SLC47A2: variants seen among roughly 807,000 people sequenced by gnomAD.
SLC47A2 encodes the protein multidrug and toxin extrusion protein 2.
A neutral mutation model predicts 67.7 loss-of-function variants in SLC47A2; 52 were observed. The ratio of observed to expected loss-of-function variants is 0.77; its 90% CI spans 0.61 to 0.97. The LOEUF is 0.97. Ranked by LOEUF, SLC47A2 falls within the 50% of genes least tolerant of loss-of-function variation. The pLI is 0.00. For missense variants in SLC47A2, 676 were observed against 712.3 expected (o/e 0.95, Z 0.58); for synonymous variants, 278 against 292.9 (o/e 0.95, Z 0.52).
chr17:19,708,598 C>T, intron 6 of SLC47A2, 118 bp downstream of exon 6: 1 of 1,592,774 alleles, frequency 6.3e-7, no homozygotes, highest in Non-Finnish European at 8.6e-7. Flanking sequence ...TGGAAGTGAC[C>T]CCTTTCAAGA....
At chr17:19,695,514 G>GAAAAAAAAAAAAAAAAAAAA (rs1491229920) in intron 13 of SLC47A2, among the ~76,000 whole-genome samples, 1 of 55,544 alleles carries the variant, frequency 1.8e-5, no homozygotes, top group Non-Finnish European at 3.5e-5. Flanking sequence ...AAAAAAAACA[G>GAAAAAAAAAAAAAAAAAAAA]CAAAAAAAAA....
intron 3 of SLC47A2, 150 bp from the exon 4 acceptor site, chr17:19,714,123 G>A (rs945560564): frequency 9.5e-6 from 10 of 1,057,284 alleles, no homozygotes; most frequent in Admixed American, 8.5e-5. Flanking sequence ...AGCCTGTAAT[G>A]GCACAGCGGC....
At chr17:19,681,312 C>T (rs1481816918) in intron 15 of SLC47A2, 55 bp downstream of exon 15, 39 of 1,455,304 alleles carry the variant, frequency 2.7e-5, no homozygotes, top group Middle Eastern at 2.1e-4. Flanking sequence ...AGTCACTCCA[C>T]CTGCTGGGGT....
Position 19,678,729 on chromosome 17 carries a change from AGT to A in SLC47A2, c.1656_1657del (p.Leu553AspfsTer45). 1 of 1,613,676 alleles carries A rather than the reference AGT, an allele frequency of 6.2e-7. No individual in the cohort carries two copies. Among genetic ancestry groups the A allele is most frequent in the South Asian group, 1.1e-5 (1 of 91,058 alleles). On this transcript the variant is annotated frameshift_variant, in exon 17 of 17. Coordinates refer to ENST00000433844, the MANE Select transcript of SLC47A2 (RefSeq NM_001099646.3). LOFTEE classifies it low-confidence loss of function (END_TRUNC). The stretch of plus-strand genomic sequence containing the variant: ...GATCCTGACCGTGAGCCCCACCATC[AGT>A]GTGGCTGACGCCGCCCCCAGAGCAG...
intron 15 of SLC47A2, 32 bp downstream of exon 15, chr17:19,681,335 G>A (rs1469356621): frequency 4.5e-6 from 7 of 1,549,702 alleles, no homozygotes; most frequent in African/African-American, 1.4e-5. Flanking sequence ...GGTGCAGGGT[G>A]TCTTGTGGCC....
chr17:19,687,990 T>G (rs2085462367), intron 13 of SLC47A2, among the ~76,000 whole-genome samples: 1 of 152,124 alleles, frequency 6.6e-6, no homozygotes, highest in Admixed American at 6.5e-5. Context: ...CTATTAAATC[T>G]GTTCAAAAAA....
chr17:19,701,694 A>C (rs1416177217), intron 13 of SLC47A2, among the ~76,000 whole-genome samples: 1 of 152,204 alleles, frequency 6.6e-6, no homozygotes, highest in African/African-American at 2.4e-5. Context: ...TTTTTAAAAA[A>C]TCATAGCTGG....
intron 5 of SLC47A2, among the ~76,000 whole-genome samples, chr17:19,710,362 T>A (rs1231090431): frequency 1.3e-5 from 2 of 152,318 alleles, no homozygotes; most frequent in African/African-American, 2.4e-5. Flanking sequence ...TTCAAAAAAA[T>A]TTTAGTTGGA....
chr17:19,704,132 G>C lies in SLC47A2; in HGVS notation c.956C>G (p.Ala319Gly), dbSNP rs770555970. Residue 319 changes from alanine to glycine, a missense_variant, in exon 11 of 17, where the codon GCT (alanine) becomes GGT (glycine). Coordinates refer to ENST00000433844, the MANE Select transcript of SLC47A2 (RefSeq NM_001099646.3). The part of the protein sequence containing the change: ...SIGVCVRVGM[A>G]LGAADTVQAK... The stretch of plus-strand genomic sequence containing the variant: ...CTGCACAGTATCCGCAGCCCCCAGA[G>C]CCATCCCCACTCGGACACAGACCCC... The C allele has an allele frequency of 6.2e-6, 10 of 1,612,558 alleles. No individual in the cohort carries two copies. Among genetic ancestry groups the C allele is most frequent in the Non-Finnish European group, 6.8e-6 (8 of 1,179,826 alleles).
chr17:19,690,050 A>G (rs1461616006), intron 13 of SLC47A2, among the ~76,000 whole-genome samples: 2 of 152,222 alleles, frequency 1.3e-5, no homozygotes, highest in African/African-American at 2.4e-5. Context: ...CCAAAACAGC[A>G]TAGTACTGGC....
chr17:19,679,634 TC>T (rs1175203855), intron 16 of SLC47A2, among the ~76,000 whole-genome samples: 2 of 152,082 alleles, frequency 1.3e-5, no homozygotes, highest in East Asian at 3.8e-4. Flanking sequence ...AGATCTTATG[TC>T]TGGCCTTTAC....
intron 9 of SLC47A2, 84 bp from the exon 10 acceptor site, chr17:19,705,587 G>A (rs2085911662): frequency 3.0e-6 from 4 of 1,342,952 alleles, no homozygotes; most frequent in Admixed American, 2.8e-5. Context: ...TTGCTTTGGG[G>A]ACTCAGGGGC....
intron 5 of SLC47A2, among the ~76,000 whole-genome samples, chr17:19,712,414 A>G (rs1413595178): frequency 1.3e-5 from 2 of 152,224 alleles, no homozygotes; most frequent in East Asian, 3.8e-4. Context: ...GGAGAGAGAT[A>G]GTAACATATG....
chr17:19,690,605 C>T (rs1047158340), intron 13 of SLC47A2, among the ~76,000 whole-genome samples: 1 of 151,978 alleles, frequency 6.6e-6, no homozygotes, highest in African/African-American at 2.4e-5. Context: ...TAAAAATGGA[C>T]AGAAATAGAA....
chr17:19,706,624 C>A (rs371955782), intron 9 of SLC47A2, 24 bp downstream of exon 9: 41 of 1,544,842 alleles, frequency 2.7e-5, no homozygotes, highest in Non-Finnish European at 3.4e-5. Context: ...CACGCCATTG[C>A]GCCCCCCATC....
chr17:19,688,622 C>T (rs369715133), intron 13 of SLC47A2, among the ~76,000 whole-genome samples: 3 of 152,258 alleles, frequency 2.0e-5, no homozygotes, highest in East Asian at 1.9e-4. Context: ...GATGGAGTCT[C>T]GCTCTGTTGC....
chr17:19,705,303 G>C, intron 10 of SLC47A2, 133 bp downstream of exon 10: 1 of 883,834 alleles, frequency 1.1e-6, no homozygotes, highest in East Asian at 2.8e-5. Flanking sequence ...GTCTGGACCT[G>C]GTGGGCACGA....
rs1033434575 is a variant in SLC47A2 at position 19,707,814 on chromosome 17, T to C, written c.659A>G (p.Gln220Arg). The C allele has an allele frequency of 3.1e-6, 5 of 1,604,050 alleles. No individual in the cohort carries two copies. The East Asian group carries it at 1.1e-4, about 36-fold the overall frequency. ...AAGGAGGAAGACGGTCTGTGCAAAC[T>C]GGGAGATGATGTTGGCATAGGCGGA... ...RGSAYANIIS[Q>R]FAQTVFLLLY... Residue 220 changes from glutamine to arginine, a missense_variant, in exon 8 of 17, where the codon CAG becomes CGG. Gln to Arg is a conservative substitution (Grantham distance 43). Transcript: ENST00000433844.
chr17:19,693,102 G>T (rs1466619943), intron 13 of SLC47A2, among the ~76,000 whole-genome samples: 2 of 151,478 alleles, frequency 1.3e-5, no homozygotes, highest in African/African-American at 2.4e-5. Context: ...CTGCACTCCA[G>T]CCTGGCGACG....
Sources: allele counts gnomAD v4.1 joint callset (sites outside exome capture counted in the v4.1 genomes callset), GRCh38; gene constraint gnomAD v4.1.1; transcripts MANE v1.5; gene names NCBI Gene and HGNC (gene_info 2026-07-23, HGNC 2026-07-21).